The following CYS1 variants were observed in gnomAD, a reference collection of about 807,000 sequenced individuals.
CYS1 encodes the protein cystin 1, also known as cystin-1.
CYS1 carries 5 observed loss-of-function variants against 9.6 expected under a neutral mutation model. That is an observed-to-expected ratio of 0.52 (90% CI 0.27 to 1.10). The LOEUF (loss-of-function observed/expected upper bound fraction) is 1.10. Ranked by LOEUF, CYS1 falls within the 50% of genes least tolerant of loss-of-function variation. The pLI, the probability that CYS1 is intolerant of heterozygous loss-of-function variation, is 0.11. For synonymous variants in CYS1, 88 were observed against 95.7 expected, an observed-to-expected ratio of 0.92 and a Z score of 0.47; for missense variants, 221 against 207.9, an observed-to-expected ratio of 1.06 and a Z score of -0.39.
chr2:10,072,861 C>T (rs368786565), intron 1 of CYS1, among the ~76,000 whole-genome samples: 4 of 147,928 alleles, frequency 2.7e-5, no homozygotes, highest in East Asian at 2.1e-4. Context: ...GGTGGAGGAG[C>T]GGTGGGGGAG....
intron 1 of CYS1, among the ~76,000 whole-genome samples, chr2:10,070,337 G>GTTTTAT (rs756532902): frequency 1.3e-5 from 2 of 152,110 alleles, no homozygotes; most frequent in Non-Finnish European, 2.9e-5. Context: ...TGGAGAACCT[G>GTTTTAT]TTTTATTTTT....
At chr2:10,079,604 G>C (rs909863458) in intron 1 of CYS1, among the ~76,000 whole-genome samples, 2 of 151,908 alleles carry the variant, frequency 1.3e-5, no homozygotes, top group African/African-American at 4.8e-5. Flanking sequence ...GGCGGCCCGG[G>C]AAGGCCAGGC....
intron 2 of CYS1, among the ~76,000 whole-genome samples, chr2:10,062,138 G>C (rs1188105196): frequency 2.6e-5 from 4 of 151,876 alleles, no homozygotes; most frequent in Non-Finnish European, 5.9e-5. Context: ...CTCCTGAGCA[G>C]CTGGGACCCC....
At chr2:10,077,380 G>A (rs528099394) in intron 1 of CYS1, among the ~76,000 whole-genome samples, 1 of 152,308 alleles carries the variant, frequency 6.6e-6, no homozygotes, top group South Asian at 2.1e-4. Flanking sequence ...AGTCAACAGT[G>A]GTCAAAATTT....
intron 1 of CYS1, among the ~76,000 whole-genome samples, chr2:10,077,547 G>A (rs369494496): frequency 1.2e-4 from 18 of 152,276 alleles, no homozygotes; most frequent in Admixed American, 5.9e-4. Context: ...GTTATTGGCC[G>A]GGTGCAGTGG....
At chr2:10,079,359 G>A (rs1466856324) in intron 1 of CYS1, among the ~76,000 whole-genome samples, 1 of 152,226 alleles carries the variant, frequency 6.6e-6, no homozygotes, top group African/African-American at 2.4e-5. Flanking sequence ...GAGCGAAGAC[G>A]GTTGCCAAAC....
intron 1 of CYS1, among the ~76,000 whole-genome samples, chr2:10,070,246 G>A (rs773014609): frequency 2.5e-4 from 38 of 152,298 alleles, no homozygotes; most frequent in South Asian, 8.3e-4. Flanking sequence ...GAGCTCCCCA[G>A]GGTTCTCCCA....
intron 2 of CYS1, among the ~76,000 whole-genome samples, chr2:10,062,591 T>G (rs1046976882): frequency 6.6e-6 from 1 of 152,026 alleles, no homozygotes; most frequent in Non-Finnish European, 1.5e-5. Flanking sequence ...TTAGTAGAGA[T>G]GGGGTTTCAC....
intron 1 of CYS1, among the ~76,000 whole-genome samples, chr2:10,067,409 T>TC (rs1362542964): frequency 6.9e-6 from 1 of 144,112 alleles, no homozygotes; most frequent in Non-Finnish European, 1.5e-5. Flanking sequence ...TTCTTTTCTT[T>TC]TTTTTTTTTT....
chr2:10,069,366 TTTG>T (rs530439450), intron 1 of CYS1, among the ~76,000 whole-genome samples: 57 of 152,256 alleles, frequency 3.7e-4, no homozygotes, highest in Non-Finnish European at 5.9e-4. Flanking sequence ...TTATTTTTAT[TTTG>T]TTGTTGTTGT....
At chr2:10,066,169 A>G (rs923561785) in intron 1 of CYS1, among the ~76,000 whole-genome samples, 1 of 152,214 alleles carries the variant, frequency 6.6e-6, no homozygotes, top group Admixed American at 6.5e-5. Context: ...TGGAAAGCTC[A>G]CACACAGAGC....
chr2:10,072,723 A>G (rs918691319), intron 1 of CYS1, among the ~76,000 whole-genome samples: 1 of 152,156 alleles, frequency 6.6e-6, no homozygotes, highest in African/African-American at 2.4e-5. Context: ...AGCTTTCACA[A>G]TTTTGCTAGT....
At chr2:10,060,103 G>T (rs1454213247) in intron 2 of CYS1, among the ~76,000 whole-genome samples, 1 of 152,252 alleles carries the variant, frequency 6.6e-6, no homozygotes, top group African/African-American at 2.4e-5. Context: ...GCCTCCTGGA[G>T]ATGCTGCCTC....
intron 1 of CYS1, among the ~76,000 whole-genome samples, chr2:10,069,471 C>T (rs376668617): frequency 5.3e-5 from 8 of 152,066 alleles, no homozygotes; most frequent in East Asian, 1.9e-4. Flanking sequence ...TGAGTTCAAG[C>T]GATTCTCCTG....
chr2:10,074,704 G>C (rs766389108), intron 1 of CYS1, among the ~76,000 whole-genome samples: 3 of 152,168 alleles, frequency 2.0e-5, no homozygotes, highest in African/African-American at 7.2e-5. Context: ...CTGCCTACAG[G>C]ACAGTTCAAC....
Position 10,080,141 on chromosome 2 carries a change from G to A in CYS1, c.83C>T (p.Ala28Val). ...PESLPAGPGA[A>V]ALEGGTRRRV... ...CCGGCGGGTCCCGCCCTCCAGGGCT[G>A]CCGCTCCGGGCCCCGCGGGGAGGCT... is the stretch of plus-strand genomic sequence containing the variant. The change falls in exon 1 of 3, where the codon GCA becomes GTA. Residue 28 changes from alanine (A) to valine (V), a missense_variant. Transcript: ENST00000381813. The surrounding 1 kb of genome is among the most constrained non-coding windows in gnomAD (Gnocchi z 6.4). 2.9e-6 allele frequency: 3 copies of A among 1,043,436 alleles called. No homozygotes were observed. The highest frequency in any genetic ancestry group is 4.0e-5 in the South Asian group (1 of 24,958). 64.6% of individuals were successfully genotyped at this position (1,043,436 alleles called of 1,614,324 possible).
chr2:10,077,938 C>T (rs989284211), intron 1 of CYS1, among the ~76,000 whole-genome samples: 6 of 151,936 alleles, frequency 3.9e-5, no homozygotes, highest in African/African-American at 1.5e-4. Flanking sequence ...GGCAAAACCC[C>T]GTCTCTTCTA....
rs1250835757 is a variant in CYS1 at position 10,063,896 on chromosome 2, G to A, written c.371+2008C>T. Among the ~76,000 whole-genome samples the A allele has an allele frequency of 3.3e-5, 5 of 152,342 alleles. 1 individual carries two copies. The South Asian group carries it at 8.3e-4, about 25-fold the overall frequency. On this transcript the variant is annotated intron_variant, in intron 2 of 2. Transcript: ENST00000381813. The surrounding 1 kb of genome is among the most constrained non-coding windows in gnomAD (Gnocchi z 4.2). Reference sequence around the variant, plus strand: ...AGAGCCCTGGGCACTCCTACGCCTAGGGCAGCACTCAGGGAGGCTCCCATT... The same window carrying A: ...AGAGCCCTGGGCACTCCTACGCCTAAGGCAGCACTCAGGGAGGCTCCCATT...
In CYS1 at chr2:10,065,950, C is replaced by A. The variant is rs182884229; in HGVS notation, c.325G>T (p.Ala109Ser). The A allele has an allele frequency of 3.1e-5, 50 of 1,614,060 alleles. No homozygotes were observed. The highest frequency in any genetic ancestry group is 5.0e-5 in the Admixed American group (3 of 60,008). The change falls in exon 2 of 3, where the codon GCA becomes TCA. Residue 109 changes from alanine to serine, a missense_variant. Physicochemically the swap from Ala to Ser is moderately conservative, Grantham distance 99. Coordinates refer to ENST00000381813, the MANE Select transcript of CYS1 (RefSeq NM_001037160.3). ...PTAVAGSAVC[A>S]EQSTEGHPGS... is the part of the protein sequence containing the mutation. ...GGGTGGCCCTCTGTGCTCTGCTCTG[C>A]GCACACCTTGAGAAAGATGAAATGA...
Sources: gnomAD v4.1 joint callset for allele counts (sites outside exome capture counted in the v4.1 genomes callset) on GRCh38, gnomAD v4.1.1 for gene constraint, Gnocchi (gnomAD v3.1) non-coding constraint, MANE v1.5 for transcripts, NCBI Gene and HGNC (gene_info 2026-07-23, HGNC 2026-07-21) for gene names.